NUDCD3: variants seen among roughly 807,000 people sequenced by gnomAD.
The protein encoded by NUDCD3 is NudC domain containing 3.
A neutral mutation model predicts 39.7 loss-of-function variants in NUDCD3; 13 were observed. The ratio of observed to expected loss-of-function variants is 0.33; its 90% CI spans 0.21 to 0.52. The LOEUF (loss-of-function observed/expected upper bound fraction) is 0.52, where lower values mean the gene tolerates loss of function less well. Ranked by LOEUF, NUDCD3 falls within the 20% of genes least tolerant of loss-of-function variation. The pLI, the probability that NUDCD3 is intolerant of heterozygous loss-of-function variation, is 0.96. For synonymous variants in NUDCD3, 175 were observed against 172.4 expected, an observed-to-expected ratio of 1.02 and a Z score of -0.12; for missense variants, 453 against 458.1, an observed-to-expected ratio of 0.99 and a Z score of 0.10.
At chr7:44,487,541 T>C (rs1800637379) in intron 1 of NUDCD3, among the ~76,000 whole-genome samples, 1 of 151,790 alleles carries the variant, frequency 6.6e-6, no homozygotes, top group Non-Finnish European at 1.5e-5. Context: ...GAAATAATGT[T>C]ATGCTGGTAC....
intron 4 of NUDCD3, among the ~76,000 whole-genome samples, chr7:44,399,248 G>A (rs1798678671): frequency 6.6e-6 from 1 of 152,204 alleles, no homozygotes; most frequent in Non-Finnish European, 1.5e-5. Context: ...ACCGCCTTCT[G>A]TTAAATCTGT....
intron 1 of NUDCD3, among the ~76,000 whole-genome samples, chr7:44,487,235 T>C (rs1800629647): frequency 6.6e-6 from 1 of 152,182 alleles, no homozygotes; most frequent in Non-Finnish European, 1.5e-5. Context: ...GTATCCAGGC[T>C]ATGCAAACTT....
intron 1 of NUDCD3, among the ~76,000 whole-genome samples, chr7:44,486,083 C>T (rs959871113): frequency 1.3e-5 from 2 of 152,154 alleles, no homozygotes; most frequent in African/African-American, 4.8e-5. Context: ...CCCAGTTAGA[C>T]CCTGAATGAG....
Position 44,485,146 on chromosome 7 carries a change from C to A in NUDCD3, c.331G>T (p.Val111Phe), listed in dbSNP as rs1263626812. Residue 111 changes from valine (V) to phenylalanine (F), a missense_variant, in exon 2 of 6, where the codon GTT becomes TTT. By Grantham distance (50) the Val-to-Phe change is conservative. Coordinates refer to ENST00000355451, the MANE Select transcript of NUDCD3 (RefSeq NM_015332.4). Reference protein sequence around the residue: ...AAAAEKEPVPVPVQEIEIDST... With the variant: ...AAAAEKEPVPFPVQEIEIDST... ...TCAATCTCTATTTCCTGGACTGGAA[C>A]TGGGACTGGCTCCTTCTCAGCTGCA... The A allele has an allele frequency of 3.7e-6, 6 of 1,614,090 alleles. No individual in the cohort carries two copies. In the Admixed American group the frequency reaches 5.0e-5, roughly 13 times the overall value.
chr7:44,386,355 C>A (rs550677430), intron 5 of NUDCD3, among the ~76,000 whole-genome samples: 1 of 152,202 alleles, frequency 6.6e-6, no homozygotes, highest in Non-Finnish European at 1.5e-5. Flanking sequence ...GAATTTCTAA[C>A]CCTCCATCTT....
intron 2 of NUDCD3, among the ~76,000 whole-genome samples, chr7:44,446,443 G>C (rs1372305008): frequency 6.6e-6 from 1 of 152,228 alleles, no homozygotes; most frequent in Non-Finnish European, 1.5e-5. Context: ...TTTTAGCTGT[G>C]AACAGAATGA....
intron 2 of NUDCD3, among the ~76,000 whole-genome samples, chr7:44,455,853 C>T (rs1477987020): frequency 2.0e-5 from 3 of 150,792 alleles, no homozygotes; most frequent in South Asian, 2.1e-4. Context: ...GGTGAAACCC[C>T]GTCTCTACTA....
intron 5 of NUDCD3, among the ~76,000 whole-genome samples, chr7:44,391,849 A>G (rs776180735): frequency 3.3e-5 from 5 of 152,174 alleles, no homozygotes; most frequent in Non-Finnish European, 5.9e-5. Context: ...CCCACTGCTG[A>G]CATCACAGAG....
rs978450839 is a variant in NUDCD3, at chr7:44,392,502, C to A, written c.787-17G>T. The A allele has an allele frequency of 1.9e-6, 3 of 1,611,460 alleles. No homozygotes were observed. The highest frequency in any genetic ancestry group is 2.7e-5 in the African/African-American group (2 of 75,032). On this transcript the variant is annotated splice_polypyrimidine_tract_variant and intron_variant, in intron 4 of 5. Coordinates refer to ENST00000355451, the MANE Select transcript of NUDCD3 (RefSeq NM_015332.4). ...CAGGTTCACCTGGGGACAAGCAGGA[C>A]AGAGACCTGAGTCAGAGACCTGAGA... is the stretch of plus-strand genomic sequence containing the variant.
At chr7:44,477,224 G>A (rs540858382) in intron 2 of NUDCD3, among the ~76,000 whole-genome samples, 102 of 152,256 alleles carry the variant, frequency 6.7e-4, no homozygotes, top group African/African-American at 2.3e-3. Flanking sequence ...AGGGCAGGAG[G>A]AATGGCCTAG....
At position 44,392,208 on chromosome 7, in the gene NUDCD3, C is replaced by T. The variant is rs1476106714; in HGVS notation, c.975+89G>A. On this transcript the variant is annotated intron_variant, in intron 5 of 5. Transcript: ENST00000355451. Reference sequence around the variant, plus strand: ...CTGGTCCACACAACCTTCTTCCCCACCGTCATCACCAACCCCTCTGCCACT... The same window carrying T: ...CTGGTCCACACAACCTTCTTCCCCATCGTCATCACCAACCCCTCTGCCACT... The T allele has an allele frequency of 1.2e-5, 16 of 1,314,790 alleles. No individual in the cohort carries two copies. The Admixed American group carries it at 2.6e-4, about 21-fold the overall frequency. 81.4% of individuals were successfully genotyped at this position (1,314,790 alleles called of 1,614,324 possible).
At chr7:44,454,677 A>C (rs564911208) in intron 2 of NUDCD3, among the ~76,000 whole-genome samples, 101 of 152,306 alleles carry the variant, frequency 6.6e-4, no homozygotes, top group African/African-American at 2.3e-3. Context: ...CTATAATCCC[A>C]GCACTTTGGG....
intron 2 of NUDCD3, among the ~76,000 whole-genome samples, chr7:44,444,887 T>C (rs562209349): frequency 4.6e-5 from 7 of 152,346 alleles, no homozygotes; most frequent in African/African-American, 1.2e-4. Flanking sequence ...GCGAAACATC[T>C]TGAGTCAGTT....
chr7:44,414,029 T>C (rs573002899), intron 3 of NUDCD3, among the ~76,000 whole-genome samples: 3 of 150,532 alleles, frequency 2.0e-5, no homozygotes, highest in East Asian at 1.9e-4. Flanking sequence ...AACAAAACCC[T>C]GTCTCAAAAA....
In NUDCD3 at chr7:44,380,909, T is replaced by A. The variant is rs908757744; in HGVS notation, c.*5102A>T. ...TTACCTGCCTGTGTCTTGCACAAAG[T>A]GCACACTGGGAGGCAAGAGCCTGTC... On this transcript the variant is annotated 3_prime_UTR_variant, in exon 6 of 6. Coordinates refer to ENST00000355451, the MANE Select transcript of NUDCD3 (RefSeq NM_015332.4). 2.6e-5 allele frequency: 4 copies of A among 152,296 alleles called. No homozygotes were observed. The highest frequency in any genetic ancestry group is 5.9e-5 in the Non-Finnish European group (4 of 68,090). The allele number at this position is 152,296 out of a possible 1,614,324, so 9.4% of individuals were successfully genotyped here.
At chr7:44,453,222 G>A (rs1331522419) in intron 2 of NUDCD3, among the ~76,000 whole-genome samples, 4 of 152,060 alleles carry the variant, frequency 2.6e-5, no homozygotes, top group African/African-American at 7.2e-5. Context: ...GCATGGTGGC[G>A]TGCGCCTGTA....
intron 2 of NUDCD3, among the ~76,000 whole-genome samples, chr7:44,432,509 G>A (rs1463783209): frequency 6.6e-6 from 1 of 152,196 alleles, no homozygotes; most frequent in African/African-American, 2.4e-5. Context: ...TAAAGGCAAG[G>A]TTTGGCTCCC....
chr7:44,437,316 C>T (rs777801789), intron 2 of NUDCD3, among the ~76,000 whole-genome samples: 5 of 152,132 alleles, frequency 3.3e-5, no homozygotes, highest in Non-Finnish European at 7.4e-5. Flanking sequence ...GATCTGCCCG[C>T]CTTGGCCTCC....
At position 44,424,615 on chromosome 7, in the gene NUDCD3, G is replaced by A. The variant is rs201817010; in HGVS notation, c.642+2956C>T. Among the ~76,000 whole-genome samples, 990 of 152,230 alleles carry A rather than the reference G, an allele frequency of 6.5e-3. 14 individuals are homozygous for A. Among genetic ancestry groups the A allele is most frequent in the Middle Eastern group, 0.01 (3 of 294 alleles). On this transcript the variant is annotated intron_variant, in intron 3 of 5. Transcript: ENST00000355451. ...ACCATCTCATGCCAGTTAGAATGGC[G>A]ATCATTAAAAAGTCAGGAAACAACA...
Sources: gnomAD v4.1 joint callset for allele counts (sites outside exome capture counted in the v4.1 genomes callset) on GRCh38, gnomAD v4.1.1 for gene constraint, MANE v1.5 for transcripts, NCBI Gene and HGNC (gene_info 2026-07-23, HGNC 2026-07-21) for gene names.